Variants in IQCH observed in about 807,000 individuals in gnomAD.
IQCH encodes IQ motif containing H.
Under a neutral mutation model 117.0 loss-of-function variants are expected in IQCH, and 98 were observed. That is an observed-to-expected ratio of 0.84 (90% confidence interval 0.71 to 0.99). The LOEUF is 0.99. Among genes scored for constraint, IQCH ranks in the 50% least tolerant of loss-of-function variants. The pLI is 0.00. For synonymous variants in IQCH, 412 were observed against 448.2 expected (o/e 0.92, Z 1.02); for missense variants, 1,102 against 1,243.8 (o/e 0.89, Z 1.72).
At chr15:67,497,622 T>C (rs1480788826) in intron 20 of IQCH, among the ~76,000 whole-genome samples, 2 of 151,928 alleles carry the variant, frequency 1.3e-5, no homozygotes, top group Non-Finnish European at 2.9e-5. Context: ...GCCTCCTGAG[T>C]AGCTGGGATT....
intron 6 of IQCH, 35 bp from the exon 7 acceptor site, chr15:67,357,310 C>T (rs1969930127): frequency 1.4e-6 from 2 of 1,441,644 alleles, no homozygotes; most frequent in Non-Finnish European, 2.0e-6. Flanking sequence ...GCCTCTTCTT[C>T]TGGAAAAGGT....
chr15:67,385,017 T>G lies in IQCH; in HGVS notation c.1454T>G (p.Leu485Ter), dbSNP rs1192144336. The change falls in exon 11 of 21, where the codon TTA (leucine) becomes TGA (stop). Residue 485 changes from leucine to a stop codon, truncating the protein, a stop_gained and splice_region_variant. Transcript: ENST00000335894. LOFTEE classifies it high-confidence loss of function. This position sits in a 1 kb window ranked among gnomAD's most constrained non-coding sequence, Gnocchi z 4.6. ...CAGCTGGGGAGGCTGTGTGACATCT[T>G]AGGTACAGTAAATAGTTTTACACAA... ...NMQLGRLCDI[L>*]DANVNVIYIC... The G allele has an allele frequency of 1.9e-6, 3 of 1,581,082 alleles. No individual in the cohort carries two copies. Among genetic ancestry groups the G allele is most frequent in the African/African-American group, 1.3e-5 (1 of 74,218 alleles).
At chr15:67,256,349 A>G (rs1400826018) in intron 1 of IQCH, among the ~76,000 whole-genome samples, 1 of 152,192 alleles carries the variant, frequency 6.6e-6, no homozygotes, top group African/African-American at 2.4e-5. Flanking sequence ...TTTGATGTCC[A>G]GAGTTTTTAC....
chr15:67,274,748 A>C (rs1966050762), intron 3 of IQCH, among the ~76,000 whole-genome samples: 1 of 151,986 alleles, frequency 6.6e-6, no homozygotes, highest in Non-Finnish European at 1.5e-5. Flanking sequence ...TTAAAGGATT[A>C]GTTATTTATT....
At position 67,404,546 on chromosome 15, in the gene IQCH, C is replaced by T. The variant is rs1256421061; in HGVS notation, c.2097+4241C>T. 6.6e-6 allele frequency: 1 copy of T among 152,118 alleles called. No homozygotes were observed. The highest frequency in any genetic ancestry group is 2.4e-5 in the African/African-American group (1 of 41,408). 9.4% of individuals were successfully genotyped at this position (152,118 alleles called of 1,614,324 possible). The stretch of plus-strand genomic sequence containing the variant: ...TAAAAAAAATTTAAAAGTACATAAT[C>T]ACTGTCCCCAAACATAGTTGTTTTC... On this transcript the variant is annotated intron_variant, in intron 14 of 20. Coordinates refer to ENST00000335894, the MANE Select transcript of IQCH (RefSeq NM_001031715.3). The surrounding 1 kb of genome is among the most constrained non-coding windows in gnomAD (Gnocchi z 4.6).
rs1018250073 is a variant in IQCH, at chr15:67,343,974, G to C, written c.509-89G>C. 5 of 1,128,790 alleles carry C rather than the reference G, an allele frequency of 4.4e-6. No homozygotes were observed. In the Admixed American group the frequency reaches 6.5e-5, roughly 15 times the overall value. The allele number at this position is 1,128,790 out of a possible 1,614,324, so 69.9% of individuals were successfully genotyped here. ...ACCCTCACAAATAAGATGATGAATG[G>C]AGTAAGTTACACTTGTGAAATTTAT... On this transcript the variant is annotated intron_variant, in intron 5 of 20. Coordinates refer to ENST00000335894, the MANE Select transcript of IQCH (RefSeq NM_001031715.3).
At chr15:67,318,993 G>A (rs958885011) in intron 4 of IQCH, among the ~76,000 whole-genome samples, 4 of 152,176 alleles carry the variant, frequency 2.6e-5, no homozygotes, top group Admixed American at 1.3e-4. Context: ...TTGGGAGGCC[G>A]AGGCAGGCAG....
chr15:67,460,434 C>T (rs890795638), intron 16 of IQCH, among the ~76,000 whole-genome samples: 2 of 152,156 alleles, frequency 1.3e-5, no homozygotes, highest in African/African-American at 4.8e-5. Context: ...TGTGCATCTT[C>T]CTAAATCATC....
At chr15:67,355,996 T>C (rs189038187) in intron 6 of IQCH, among the ~76,000 whole-genome samples, 1 of 152,304 alleles carries the variant, frequency 6.6e-6, no homozygotes, top group African/African-American at 2.4e-5. Flanking sequence ...TGCTATTTTG[T>C]TTGAACATGG....
chr15:67,496,993 C>T lies in IQCH; in HGVS notation c.2970+2627C>T, dbSNP rs1256636219. Among the ~76,000 whole-genome samples, 14 of 142,192 alleles carry T rather than the reference C, an allele frequency of 9.8e-5. 1 individual carries two copies. The highest frequency in any genetic ancestry group is 1.8e-4 in the African/African-American group (7 of 38,000). The allele number at this position is 142,192 out of a possible 152,430, so 93.3% of individuals were successfully genotyped here. On this transcript the variant is annotated intron_variant, in intron 20 of 20. Coordinates refer to ENST00000335894, the MANE Select transcript of IQCH (RefSeq NM_001031715.3). The surrounding 1 kb of genome is among the most constrained non-coding windows in gnomAD (Gnocchi z 4.4). ...AGATTGCGCCACTGCAGTCCGCAGT[C>T]CGGCCTGGGCGACAGAGCGAGACTC... is the stretch of plus-strand genomic sequence containing the variant.
chr15:67,396,378 G>A (rs1440592868), intron 13 of IQCH, among the ~76,000 whole-genome samples: 1 of 152,046 alleles, frequency 6.6e-6, no homozygotes, highest in African/African-American at 2.4e-5. Flanking sequence ...TAAAACTGGG[G>A]AAGTAAGACA....
In IQCH at chr15:67,390,921, C is replaced by T. The variant is rs1971265742; in HGVS notation, c.1632+1915C>T. 6.6e-6 allele frequency among the ~76,000 whole-genome samples: 1 copy of T among 152,228 alleles called. No individual in the cohort carries two copies. The highest frequency in any genetic ancestry group is 2.1e-4 in the South Asian group (1 of 4,832). ...GTTACTAGTAAGGCCAGAGTGTGAA[C>T]CAAAATCTCTCTACCGCAGAGCAGT... On this transcript the variant is annotated intron_variant, in intron 12 of 20. Coordinates refer to ENST00000335894, the MANE Select transcript of IQCH (RefSeq NM_001031715.3). The surrounding 1 kb of genome is among the most constrained non-coding windows in gnomAD (Gnocchi z 5.0).
rs111462965 is a variant in IQCH, at chr15:67,454,882, G to T, written c.2506-10245G>T. Among the ~76,000 whole-genome samples, 627 of 152,250 alleles carry T rather than the reference G, an allele frequency of 4.1e-3. 4 individuals carry two copies. Among genetic ancestry groups the T allele is most frequent in the South Asian group, 0.028 (134 of 4,826 alleles). On this transcript the variant is annotated intron_variant, in intron 16 of 20. Transcript: ENST00000335894. The surrounding 1 kb of genome is among the most constrained non-coding windows in gnomAD (Gnocchi z 5.2). ...AATGGACATTCATATAAAAGTGTTC[G>T]CATAAACATGTGTTTTCATTTGTCT...
chr15:67,402,361 G>A (rs1319756877), intron 14 of IQCH, among the ~76,000 whole-genome samples: 1 of 152,062 alleles, frequency 6.6e-6, no homozygotes, highest in Non-Finnish European at 1.5e-5. Context: ...TTTTTTGTAG[G>A]AGCCTATTGA....
intron 10 of IQCH, among the ~76,000 whole-genome samples, chr15:67,379,040 A>G (rs1335917496): frequency 6.6e-6 from 1 of 152,214 alleles, no homozygotes; most frequent in Non-Finnish European, 1.5e-5. Context: ...ACACTAATCT[A>G]AATAACATAT....
rs1308091632 is a variant in IQCH, at chr15:67,476,810, C to T, written c.2799+992C>T. On this transcript the variant is annotated intron_variant, in intron 18 of 20. Coordinates refer to ENST00000335894, the MANE Select transcript of IQCH (RefSeq NM_001031715.3). This position sits in a 1 kb window ranked among gnomAD's most constrained non-coding sequence, Gnocchi z 4.1. ...TTCTAAGACCCTGAGTAACCCTGTA[C>T]ACTCTTACTTATGGAAGACCCACTT... Among the ~76,000 whole-genome samples, 1 of 152,136 alleles carries T rather than the reference C, an allele frequency of 6.6e-6. No homozygotes were observed. The highest frequency in any genetic ancestry group is 1.5e-5 in the Non-Finnish European group (1 of 68,024).
rs1567135704 is a variant in IQCH at position 67,372,474 on chromosome 15, GC to G, written c.1119del (p.Met374Ter). 6.2e-7 allele frequency: 1 copy of G among 1,613,976 alleles called. No homozygotes were observed. Among genetic ancestry groups the G allele is most frequent in the Admixed American group, 1.7e-5 (1 of 59,992 alleles). ...GGGCCAAGATGGAAATTCGGAGGCC[GC>G]CATGAAGATCCAAGCCACATGGAAA... ...YKGQDGNSEA[A>X]MKIQATWKCY... On this transcript the variant is annotated frameshift_variant, in exon 9 of 21. Coordinates refer to ENST00000335894, the MANE Select transcript of IQCH (RefSeq NM_001031715.3). LOFTEE classifies it high-confidence loss of function.
At chr15:67,288,655 T>C (rs1308155809) in intron 4 of IQCH, among the ~76,000 whole-genome samples, 1 of 152,148 alleles carries the variant, frequency 6.6e-6, no homozygotes, top group Non-Finnish European at 1.5e-5. Context: ...AATGCATTTC[T>C]TGTAGGCAAC....
chr15:67,348,355 T>TCACACA lies in IQCH; in HGVS notation c.637+4184_637+4189dup, dbSNP rs56134528. ...TTACTGCATAGAAATTCGCAAGCCA[T>TCACACA]CACACACACACACACACACACACAC... On this transcript the variant is annotated intron_variant, in intron 6 of 20. Transcript: ENST00000335894. Among the ~76,000 whole-genome samples the TCACACA allele has an allele frequency of 4.2e-3, 619 of 147,764 alleles. 4 individuals carry two copies. Among genetic ancestry groups the TCACACA allele is most frequent in the African/African-American group, 0.013 (546 of 40,522 alleles).
Sources: allele counts gnomAD v4.1 joint callset (sites outside exome capture counted in the v4.1 genomes callset), GRCh38; gene constraint gnomAD v4.1.1; non-coding constraint Gnocchi (gnomAD v3.1); transcripts MANE v1.5; gene names NCBI Gene and HGNC (gene_info 2026-07-23, HGNC 2026-07-21).